The following LSAMP variants were observed in gnomAD, a reference collection of about 807,000 sequenced individuals.
LSAMP encodes limbic system associated membrane protein.
A neutral mutation model predicts 38.6 loss-of-function variants in LSAMP; 7 were observed. That is an observed-to-expected ratio of 0.18 (90% CI 0.10 to 0.34). LSAMP has a LOEUF of 0.34. LSAMP is among the 10% of genes least tolerant of loss of function. The pLI, the probability that LSAMP is intolerant of heterozygous loss-of-function variation, is 1.00. For synonymous variants in LSAMP, 154 were observed against 166.8 expected, an observed-to-expected ratio of 0.92 and a Z score of 0.59; for missense variants, 313 against 420.0, an observed-to-expected ratio of 0.75 and a Z score of 2.23.
intron 1 of LSAMP, among the ~76,000 whole-genome samples, chr3:116,088,487 G>A (rs1051719837): frequency 1.3e-5 from 2 of 151,912 alleles, no homozygotes; most frequent in Non-Finnish European, 2.9e-5. Context: ...GATGTTTGCC[G>A]CATCTCTGAA....
At position 115,878,453 on chromosome 3, in the gene LSAMP, CTTTTTTTTTTTTTTT is replaced by C. The variant is rs3087024; in HGVS notation, c.515-25851_515-25837del. On this transcript the variant is annotated intron_variant, in intron 3 of 6. Coordinates refer to ENST00000490035, the MANE Select transcript of LSAMP (RefSeq NM_002338.5). ...CTTGATACTTTGAGAACATGCTATT[CTTTTTTTTTTTTTTT>C]TTTTTTTTTTTTTGACAGACTCTTG... Among the ~76,000 whole-genome samples the C allele has an allele frequency of 2.5e-4, 14 of 55,514 alleles. No individual in the cohort carries two copies. In the Admixed American group the frequency reaches 2.5e-3, roughly 10 times the overall value. 36.4% of individuals were successfully genotyped at this position (55,514 alleles called of 152,430 possible). A position where few individuals can be genotyped will look rare whatever the true frequency, so the allele number is the denominator to read the frequency against.
At chr3:116,217,152 C>T (rs1025577150) in intron 1 of LSAMP, among the ~76,000 whole-genome samples, 2 of 152,114 alleles carry the variant, frequency 1.3e-5, no homozygotes, top group Non-Finnish European at 2.9e-5. Context: ...TGTTCTGGTA[C>T]GAGCCCCCAC....
At chr3:115,881,920 C>T (rs1037352622) in intron 3 of LSAMP, among the ~76,000 whole-genome samples, 2 of 152,106 alleles carry the variant, frequency 1.3e-5, no homozygotes, top group Non-Finnish European at 2.9e-5. Flanking sequence ...CCACCTGGGG[C>T]CCTCTCTGGA....
chr3:115,945,515 C>G (rs140344154), intron 3 of LSAMP, among the ~76,000 whole-genome samples: 1,626 of 152,236 alleles, frequency 0.011, 15 homozygotes, highest in Non-Finnish European at 0.016. Context: ...AAAGGTCACA[C>G]AACTTTGAAG....
chr3:115,835,298 C>T (rs1332632314), intron 6 of LSAMP, among the ~76,000 whole-genome samples: 1 of 152,102 alleles, frequency 6.6e-6, no homozygotes, highest in Non-Finnish European at 1.5e-5. Flanking sequence ...ATAAGAAGTA[C>T]TTTTCTTTTG....
chr3:116,043,329 T>C (rs535921105), intron 2 of LSAMP, among the ~76,000 whole-genome samples: 1 of 152,344 alleles, frequency 6.6e-6, no homozygotes, highest in Non-Finnish European at 1.5e-5. Context: ...CCATGTAGAA[T>C]GTGAAACATG....
At chr3:116,201,812 T>A (rs905475859) in intron 1 of LSAMP, among the ~76,000 whole-genome samples, 1 of 152,164 alleles carries the variant, frequency 6.6e-6, no homozygotes, top group Non-Finnish European at 1.5e-5. Context: ...CAAGGAAAAG[T>A]GAGACTTATT....
intron 3 of LSAMP, among the ~76,000 whole-genome samples, chr3:115,874,711 C>T (rs554675595): frequency 5.2e-4 from 79 of 152,124 alleles, no homozygotes; most frequent in African/African-American, 1.4e-3. Flanking sequence ...TATGTATGTA[C>T]GTTATTTAAG....
intron 3 of LSAMP, among the ~76,000 whole-genome samples, chr3:115,951,233 A>G (rs1277069330): frequency 6.6e-6 from 1 of 152,170 alleles, no homozygotes; most frequent in Non-Finnish European, 1.5e-5. Context: ...CATAACCAAC[A>G]CTACAAAGGC....
At chr3:116,169,290 C>T (rs1236311810) in intron 1 of LSAMP, among the ~76,000 whole-genome samples, 1 of 152,024 alleles carries the variant, frequency 6.6e-6, no homozygotes, top group African/African-American at 2.4e-5. Context: ...CAAGGAACAC[C>T]AAAACTTAAA....
intron 3 of LSAMP, among the ~76,000 whole-genome samples, chr3:115,877,737 G>A (rs1936219292): frequency 6.6e-6 from 1 of 152,234 alleles, no homozygotes; most frequent in South Asian, 2.1e-4. Flanking sequence ...CCTGGCCAAA[G>A]CTTCTAATCA....
intron 1 of LSAMP, among the ~76,000 whole-genome samples, chr3:116,120,150 G>A (rs1407556121): frequency 6.6e-6 from 1 of 152,104 alleles, no homozygotes; most frequent in East Asian, 1.9e-4. Flanking sequence ...ACGGTCATAT[G>A]GAGGGACATA....
intron 1 of LSAMP, among the ~76,000 whole-genome samples, chr3:116,238,032 C>A (rs1242444786): frequency 1.3e-5 from 2 of 152,138 alleles, no homozygotes; most frequent in African/African-American, 4.8e-5. Flanking sequence ...AGCATCCATC[C>A]CTTCCTCCAC....
At chr3:116,090,400 T>A (rs1708094215) in intron 1 of LSAMP, among the ~76,000 whole-genome samples, 1 of 152,158 alleles carries the variant, frequency 6.6e-6, no homozygotes, top group Admixed American at 6.5e-5. Flanking sequence ...ATTCACTGAA[T>A]CACCAATAAG....
intron 1 of LSAMP, among the ~76,000 whole-genome samples, chr3:116,412,829 G>T (rs1182285898): frequency 6.6e-6 from 1 of 152,028 alleles, no homozygotes; most frequent in East Asian, 1.9e-4. Flanking sequence ...AATCTGAGAT[G>T]GCAGCATCAG....
Position 115,888,126 on chromosome 3 carries a change from G to C in LSAMP, c.515-35509C>G, listed in dbSNP as rs192896391. Among the ~76,000 whole-genome samples the C allele has an allele frequency of 1.6e-4, 25 of 151,724 alleles. 1 individual carries two copies. The highest frequency in any genetic ancestry group is 5.1e-4 in the African/African-American group (21 of 41,404). ...CACTCAAAATACATTTACTTGTGTGGGTATGTGTGTATAACTATTTATATA... is the reference window on the plus strand; with the variant it reads ...CACTCAAAATACATTTACTTGTGTGCGTATGTGTGTATAACTATTTATATA... On this transcript the variant is annotated intron_variant, in intron 3 of 6. Transcript: ENST00000490035.
intron 3 of LSAMP, among the ~76,000 whole-genome samples, chr3:115,882,925 T>C (rs1354239747): frequency 6.6e-6 from 1 of 152,004 alleles, no homozygotes; most frequent in Non-Finnish European, 1.5e-5. Flanking sequence ...ATCCTTATGC[T>C]CAGGTTATGT....
chr3:115,849,567 A>AC (rs1935266152), intron 4 of LSAMP, among the ~76,000 whole-genome samples: 1 of 152,070 alleles, frequency 6.6e-6, no homozygotes, highest in African/African-American at 2.4e-5. Flanking sequence ...TGATCCCCTG[A>AC]CCTAATTCCA....
At chr3:116,106,413 C>T (rs1708468587) in intron 1 of LSAMP, among the ~76,000 whole-genome samples, 2 of 152,094 alleles carry the variant, frequency 1.3e-5, no homozygotes. Context: ...TGGAATGAGA[C>T]TGGGGCCTAA....
Sources: allele counts gnomAD v4.1 joint callset (sites outside exome capture counted in the v4.1 genomes callset), GRCh38; gene constraint gnomAD v4.1.1; transcripts MANE v1.5; gene names NCBI Gene and HGNC (gene_info 2026-07-23, HGNC 2026-07-21).